PLAAT3: variants seen among roughly 807,000 people sequenced by gnomAD.
PLAAT3 encodes the protein phospholipase A and acyltransferase 3, also known as Ca-independent phospholipase A1/2.
Under a neutral mutation model 16.7 loss-of-function variants are expected in PLAAT3, and 21 were observed. The ratio of observed to expected loss-of-function variants is 1.26; its 90% confidence interval spans 0.89 to 1.81. The LOEUF is 1.81. Ranked by LOEUF, PLAAT3 falls within the 40% of genes most tolerant of loss-of-function variation. PLAAT3 has a pLI of 0.00. For missense variants in PLAAT3, 219 were observed against 213.7 expected (o/e 1.02, Z -0.16); for synonymous variants, 76 against 81.7 (o/e 0.93, Z 0.38).
In PLAAT3 at chr11:63,612,306, C is replaced by G. The variant is rs542011957; in HGVS notation, c.15+1694G>C. ...GAATTACAGTAATGAATCACTGCAC[C>G]CAGCCTGTCTTAGTGAAAATGTCTC... On this transcript the variant is annotated intron_variant, in intron 2 of 4. Transcript: ENST00000415826. Among the ~76,000 whole-genome samples, 13 of 151,964 alleles carry G rather than the reference C, an allele frequency of 8.6e-5. No individual in the cohort carries two copies. The South Asian group carries it at 2.7e-3, about 32-fold the overall frequency.
chr11:63,605,289 T>C (rs537272260), intron 2 of PLAAT3, among the ~76,000 whole-genome samples: 2 of 151,958 alleles, frequency 1.3e-5, no homozygotes, highest in Middle Eastern at 3.4e-3. Context: ...TCTCAGCTAC[T>C]CGGGAGGCTG....
chr11:63,597,351 C>T (rs541713654), intron 3 of PLAAT3, among the ~76,000 whole-genome samples: 5 of 151,902 alleles, frequency 3.3e-5, no homozygotes, highest in Non-Finnish European at 7.4e-5. Flanking sequence ...GGTGAAACCC[C>T]GTCTCTACTA....
At chr11:63,590,074 G>T (rs1184476451) in intron 4 of PLAAT3, 26 bp downstream of exon 4, 3 of 1,604,910 alleles carry the variant, frequency 1.9e-6, no homozygotes, top group Non-Finnish European at 2.6e-6. Context: ...GGTTCCTGGG[G>T]AAGGCGACAC....
intron 4 of PLAAT3, among the ~76,000 whole-genome samples, chr11:63,579,194 A>C (rs1338853258): frequency 6.6e-6 from 1 of 152,242 alleles, no homozygotes; most frequent in Non-Finnish European, 1.5e-5. Context: ...TACCAGTTAG[A>C]ATGGCGATCA....
At chr11:63,584,072 G>C (rs1273728664) in intron 4 of PLAAT3, among the ~76,000 whole-genome samples, 1 of 152,126 alleles carries the variant, frequency 6.6e-6, no homozygotes, top group Non-Finnish European at 1.5e-5. Context: ...TTTTCCAACA[G>C]TGATCAAGTA....
At chr11:63,605,798 C>T (rs1424232586) in intron 2 of PLAAT3, among the ~76,000 whole-genome samples, 2 of 152,068 alleles carry the variant, frequency 1.3e-5, no homozygotes, top group African/African-American at 4.8e-5. Flanking sequence ...GTGATCCACC[C>T]GCCTCAGACT....
intron 3 of PLAAT3, among the ~76,000 whole-genome samples, 180 bp from the exon 4 acceptor site, chr11:63,590,548 T>C (rs977146325): frequency 1.3e-5 from 2 of 152,174 alleles, no homozygotes; most frequent in African/African-American, 4.8e-5. Context: ...TGGGCCCTGG[T>C]TTCCTTATCT....
intron 2 of PLAAT3, among the ~76,000 whole-genome samples, chr11:63,611,169 G>A (rs1221309397): frequency 6.6e-6 from 1 of 152,014 alleles, no homozygotes; most frequent in African/African-American, 2.4e-5. Flanking sequence ...GTGCACTGGC[G>A]CAATCTCGGC....
chr11:63,597,685 C>T (rs921118720), intron 3 of PLAAT3, among the ~76,000 whole-genome samples: 13 of 152,116 alleles, frequency 8.5e-5, no homozygotes, highest in Admixed American at 7.2e-4. Context: ...AATCTAATGC[C>T]GCTGCTGATC....
chr11:63,611,000 AT>A (rs1381882276), intron 2 of PLAAT3, among the ~76,000 whole-genome samples: 1 of 152,016 alleles, frequency 6.6e-6, no homozygotes, highest in Non-Finnish European at 1.5e-5. Flanking sequence ...AACAACTAAC[AT>A]AAAAGCCGCA....
At chr11:63,602,013 C>T (rs1051202427) in intron 2 of PLAAT3, among the ~76,000 whole-genome samples, 1 of 143,224 alleles carries the variant, frequency 7.0e-6, no homozygotes, top group African/African-American at 2.6e-5. Flanking sequence ...GGAGGCCAGG[C>T]ACAGTGGCTC....
intron 2 of PLAAT3, among the ~76,000 whole-genome samples, chr11:63,606,352 G>A (rs1938558953): frequency 6.6e-6 from 1 of 152,026 alleles, no homozygotes; most frequent in African/African-American, 2.4e-5. Flanking sequence ...CTGGGAGGCC[G>A]AGGCGGGTGG....
intron 4 of PLAAT3, among the ~76,000 whole-genome samples, chr11:63,578,357 G>A (rs1937686505): frequency 6.6e-6 from 1 of 151,950 alleles, no homozygotes. Flanking sequence ...CTACACAAAG[G>A]CACATTACTA....
chr11:63,590,351 C>T lies in PLAAT3; in HGVS notation c.136G>A (p.Gly46Ser). The T allele has an allele frequency of 3.1e-6, 5 of 1,614,092 alleles. No homozygotes were observed. Among genetic ancestry groups the T allele is most frequent in the Non-Finnish European group, 4.2e-6 (5 of 1,179,994 alleles). ...AGGGCGGACATGACACTGGCTGCAC[C>T]AGCTCCTGCGACCTCACCTGCAGAT... ...LAPPSEVAGA[G>S]AASVMSALTD... Residue 46 changes from glycine (G) to serine (S), a missense_variant, in exon 4 of 5, where the codon GGT (glycine) becomes AGT (serine). Physicochemically the swap from Gly to Ser is moderately conservative, Grantham distance 56. Transcript: ENST00000415826.
Position 63,574,670 on chromosome 11 carries a change from T to A in PLAAT3, c.*275A>T. ...GAGATAACTGGAGCTGGACTCTGCC[T>A]CCTGCAATGCAAAGAACACAGCACG... On this transcript the variant is annotated 3_prime_UTR_variant, in exon 5 of 5. Coordinates refer to ENST00000415826, the MANE Select transcript of PLAAT3 (RefSeq NM_001128203.2). 2.5e-6 allele frequency: 1 copy of A among 392,804 alleles called. No individual in the cohort carries two copies. Among genetic ancestry groups the A allele is most frequent in the African/African-American group, 2.1e-5 (1 of 48,248 alleles). The allele number at this position is 392,804 out of a possible 1,614,324, so 24.3% of individuals were successfully genotyped here. A position where few individuals can be genotyped will look rare whatever the true frequency, so the allele number is the denominator to read the frequency against.
rs761259464 is a variant in PLAAT3, at chr11:63,598,127, G to A, written c.52C>T (p.Arg18Cys). 13 of 1,613,892 alleles carry A rather than the reference G, an allele frequency of 8.1e-6. No individual in the cohort carries two copies. The highest frequency in any genetic ancestry group is 2.2e-5 in the East Asian group (1 of 44,892). The change falls in exon 3 of 5, where the codon CGC becomes TGC. Residue 18 changes from arginine to cysteine, a missense_variant. Arg to Cys is a radical substitution (Grantham distance 180, BLOSUM62 -3). Coordinates refer to ENST00000415826, the MANE Select transcript of PLAAT3 (RefSeq NM_001128203.2). ...PKPGDLIEIF[R>C]PFYRHWAIYV... ...ATGGCCCAGTGTCTGTAGAAAGGGC[G>A]AAAAATCTCAATCAGGTCTCCAGGC...
intron 2 of PLAAT3, among the ~76,000 whole-genome samples, chr11:63,605,616 G>A (rs988064067): frequency 6.6e-6 from 1 of 151,736 alleles, no homozygotes; most frequent in East Asian, 2.0e-4. Context: ...GCAGTGGCGC[G>A]ATCTCGGCTC....
chr11:63,579,280 G>T (rs1280867057), intron 4 of PLAAT3, among the ~76,000 whole-genome samples: 1 of 152,226 alleles, frequency 6.6e-6, no homozygotes, highest in Non-Finnish European at 1.5e-5. Flanking sequence ...TGGTGGGACT[G>T]TAAACCAGTT....
intron 3 of PLAAT3, among the ~76,000 whole-genome samples, chr11:63,592,188 A>G (rs981445729): frequency 7.9e-5 from 12 of 151,858 alleles, no homozygotes; most frequent in African/African-American, 2.9e-4. Context: ...TTATTTTGAG[A>G]CAGAGTCTCA....
Sources: gnomAD v4.1 joint callset for allele counts (sites outside exome capture counted in the v4.1 genomes callset) on GRCh38, gnomAD v4.1.1 for gene constraint, MANE v1.5 for transcripts, NCBI Gene and HGNC (gene_info 2026-07-23, HGNC 2026-07-21) for gene names.